Variants in LIMD1 observed in about 807,000 individuals in gnomAD.
The protein encoded by LIMD1 is LIM domain-containing protein 1.
In LIMD1, 23 loss-of-function variants were observed where a neutral mutation model predicts 58.4. That is an observed-to-expected ratio of 0.39 (90% confidence interval 0.28 to 0.56). LIMD1 has a LOEUF of 0.56. LIMD1 is among the 20% of genes least tolerant of loss of function. The pLI is 0.57. For missense variants in LIMD1, 838 were observed against 855.5 expected (o/e 0.98, Z 0.25); for synonymous variants, 334 against 345.5 (o/e 0.97, Z 0.37).
At chr3:45,616,066 A>G (rs1006964479) in intron 1 of LIMD1, among the ~76,000 whole-genome samples, 6 of 152,178 alleles carry the variant, frequency 3.9e-5, no homozygotes, top group Non-Finnish European at 7.4e-5. Context: ...CCTTTCTGCT[A>G]CTTGTTGGCA....
intron 3 of LIMD1, among the ~76,000 whole-genome samples, chr3:45,667,776 G>T (rs1174324054): frequency 6.6e-6 from 1 of 151,928 alleles, no homozygotes; most frequent in East Asian, 1.9e-4. Flanking sequence ...TCTCTGAGCT[G>T]CCCTCTGCTT....
intron 1 of LIMD1, among the ~76,000 whole-genome samples, chr3:45,602,875 C>T (rs1168167237): frequency 6.6e-6 from 1 of 151,436 alleles, no homozygotes; most frequent in Non-Finnish European, 1.5e-5. Context: ...AGGCTCACTC[C>T]GTCACCCAGG....
chr3:45,674,243 AC>A (rs11308193), intron 6 of LIMD1, 99 bp from the exon 7 acceptor site: 25,795 of 765,138 alleles, frequency 0.034, 589 homozygotes, highest in African/African-American at 0.077. Flanking sequence ...CCTACTTGTT[AC>A]CCCCAAAACC....
At chr3:45,650,424 C>T (rs2125663246) in intron 2 of LIMD1, among the ~76,000 whole-genome samples, 1 of 152,168 alleles carries the variant, frequency 6.6e-6, no homozygotes, top group African/African-American at 2.4e-5. Flanking sequence ...GCCATGTTGG[C>T]TTACTGTACC....
chr3:45,647,827 C>T (rs761803161), intron 2 of LIMD1, among the ~76,000 whole-genome samples: 1 of 152,152 alleles, frequency 6.6e-6, no homozygotes, highest in Non-Finnish European at 1.5e-5. Context: ...CCCCCTCCTC[C>T]GCTGCCCCAC....
At position 45,682,141 on chromosome 3, in the gene LIMD1, A is replaced by G. The variant is rs961504846; in HGVS notation, c.*5082A>G. 1.3e-5 allele frequency: 2 copies of G among 152,224 alleles called. No individual in the cohort carries two copies. Among genetic ancestry groups the G allele is most frequent in the East Asian group, 1.9e-4 (1 of 5,202 alleles). The allele number at this position is 152,224 out of a possible 1,614,324, so 9.4% of individuals were successfully genotyped here. A position where few individuals can be genotyped will look rare whatever the true frequency, so the allele number is the denominator to read the frequency against. On this transcript the variant is annotated 3_prime_UTR_variant, in exon 8 of 8. Coordinates refer to ENST00000273317, the MANE Select transcript of LIMD1 (RefSeq NM_014240.3). Reference sequence around the variant, plus strand: ...GCTGGGAGTGAGGATACTCATAGTCATAGCACCTTACACCAGAATAAAAGT... The same window carrying G: ...GCTGGGAGTGAGGATACTCATAGTCGTAGCACCTTACACCAGAATAAAAGT...
chr3:45,630,347 A>G (rs1701714927), intron 1 of LIMD1, among the ~76,000 whole-genome samples: 1 of 152,212 alleles, frequency 6.6e-6, no homozygotes, highest in Non-Finnish European at 1.5e-5. Flanking sequence ...GGTTTCTACA[A>G]GGGCATGGCC....
At position 45,684,559 on chromosome 3, in the gene LIMD1, A is replaced by ACTCCGAATG. The variant is rs1222479281; in HGVS notation, c.*7501_*7509dup. ...AGCTCCCCCATGCAGAGGGAGGAGG[A>ACTCCGAATG]CTCCGAATGGATCTCCCCATTCCTG... is the stretch of plus-strand genomic sequence containing the variant. On this transcript the variant is annotated 3_prime_UTR_variant, in exon 8 of 8. Coordinates refer to ENST00000273317, the MANE Select transcript of LIMD1 (RefSeq NM_014240.3). The ACTCCGAATG allele has an allele frequency of 6.6e-6, 1 of 152,130 alleles. No homozygotes were observed. The highest frequency in any genetic ancestry group is 1.5e-5 in the Non-Finnish European group (1 of 68,038). 9.4% of individuals were successfully genotyped at this position (152,130 alleles called of 1,614,324 possible). A position where few individuals can be genotyped will look rare whatever the true frequency, so the allele number is the denominator to read the frequency against.
rs567887553 is a variant in LIMD1, at chr3:45,632,988, A to T, written c.1409-3162A>T. 2.6e-5 allele frequency among the ~76,000 whole-genome samples: 4 copies of T among 152,368 alleles called. No homozygotes were observed. The South Asian group carries it at 8.3e-4, about 32-fold the overall frequency. On this transcript the variant is annotated intron_variant, in intron 1 of 7. Coordinates refer to ENST00000273317, the MANE Select transcript of LIMD1 (RefSeq NM_014240.3). ...TGGGCCCCACAGCTCCATGTGTGCC[A>T]GCAAAAGAAATGCAGTTTGCCCGGA...
intron 1 of LIMD1, among the ~76,000 whole-genome samples, chr3:45,607,955 A>G (rs1448876778): frequency 6.6e-6 from 1 of 152,220 alleles, no homozygotes; most frequent in East Asian, 1.9e-4. Context: ...TGCATCTGCC[A>G]AAATGTCGCC....
Position 45,677,149 on chromosome 3 carries a change from G to A in LIMD1, c.*90G>A. ...TGGCCCCTGGGGTGGAAGTGGGGTAGGGGAAGAGGAGGGGCAGGAGGGAGA... is the reference window on the plus strand; with the variant it reads ...TGGCCCCTGGGGTGGAAGTGGGGTAAGGGAAGAGGAGGGGCAGGAGGGAGA... On this transcript the variant is annotated 3_prime_UTR_variant, in exon 8 of 8. Coordinates refer to ENST00000273317, the MANE Select transcript of LIMD1 (RefSeq NM_014240.3). 1 of 1,475,912 alleles carries A rather than the reference G, an allele frequency of 6.8e-7. No individual in the cohort carries two copies. The highest frequency in any genetic ancestry group is 9.3e-7 in the Non-Finnish European group (1 of 1,078,786). The allele number at this position is 1,475,912 out of a possible 1,614,324, so 91.4% of individuals were successfully genotyped here. A position where few individuals can be genotyped will look rare whatever the true frequency, so the allele number is the denominator to read the frequency against.
chr3:45,604,860 T>C (rs1701452925), intron 1 of LIMD1, among the ~76,000 whole-genome samples: 1 of 152,250 alleles, frequency 6.6e-6, no homozygotes, highest in Non-Finnish European at 1.5e-5. Context: ...TCTGTTCTTT[T>C]GTGACCAGGA....
At position 45,663,868 on chromosome 3, in the gene LIMD1, A is replaced by ATTTTTTTTTTTTTTTTTTTTTTTTTT. The variant is rs553757543; in HGVS notation, c.1511-1762_1511-1761insTTTTTTTTTTTTTTTTTTTTTTTTTT. Among the ~76,000 whole-genome samples, 10 of 102,848 alleles carry ATTTTTTTTTTTTTTTTTTTTTTTTTT rather than the reference A, an allele frequency of 9.7e-5. 1 individual carries two copies. Among genetic ancestry groups the ATTTTTTTTTTTTTTTTTTTTTTTTTT allele is most frequent in the African/African-American group, 3.9e-4 (9 of 23,344 alleles). 67.5% of individuals were successfully genotyped at this position (102,848 alleles called of 152,430 possible). On this transcript the variant is annotated intron_variant, in intron 2 of 7. Transcript: ENST00000273317. ...TAGTGCGTGGCACCATGCCTGGCTA[A>ATTTTTTTTTTTTTTTTTTTTTTTTTT]TTTTTTTTTTTTTTTTTTTTGAGAC...
rs1483684256 is a variant in LIMD1, at chr3:45,672,861, C to T, written c.1772+41C>T. On this transcript the variant is annotated intron_variant, in intron 5 of 7. Coordinates refer to ENST00000273317, the MANE Select transcript of LIMD1 (RefSeq NM_014240.3). ...AGCAGACAGGACCCATTCGTGTAGG[C>T]CAAGCTGATCTCAGCAGAGTGAGTG... 7 of 1,608,664 alleles carry T rather than the reference C, an allele frequency of 4.4e-6. 1 individual carries two copies. The South Asian group carries it at 6.6e-5, about 15-fold the overall frequency.
intron 1 of LIMD1, among the ~76,000 whole-genome samples, chr3:45,635,208 A>G (rs1430740986): frequency 6.6e-6 from 1 of 152,138 alleles, no homozygotes; most frequent in South Asian, 2.1e-4. Context: ...ACTGCACTCC[A>G]GCCCAGGTGA....
At chr3:45,649,409 C>T (rs111577214) in intron 2 of LIMD1, among the ~76,000 whole-genome samples, 105 of 151,440 alleles carry the variant, frequency 6.9e-4, no homozygotes, top group African/African-American at 2.3e-3. Flanking sequence ...TGGCTGGGCG[C>T]GGTGGCTCAC....
intron 2 of LIMD1, among the ~76,000 whole-genome samples, chr3:45,657,375 T>C (rs149217589): frequency 2.0e-5 from 3 of 152,108 alleles, no homozygotes; most frequent in African/African-American, 7.2e-5. Context: ...AAATTCCCTT[T>C]TCCGGCCAGA....
chr3:45,624,368 G>A (rs879102425), intron 1 of LIMD1, among the ~76,000 whole-genome samples: 2 of 152,084 alleles, frequency 1.3e-5, no homozygotes, highest in Non-Finnish European at 2.9e-5. Context: ...GGGGGTAGGA[G>A]CAGGGCCACA....
In LIMD1 at chr3:45,596,123, G is replaced by C; in HGVS notation, c.1244G>C (p.Gly415Ala). Residue 415 changes from glycine to alanine, a missense_variant, in exon 1 of 8, where the codon GGA (glycine) becomes GCA (alanine). Gly to Ala is a moderately conservative substitution (Grantham distance 60, BLOSUM62 0). Transcript: ENST00000273317. ...PLGWSSDGSL[G>A]SVLLDSPSSP... ...GGCTGGTCTTCTGATGGTAGCCTGG[G>C]ATCTGTGCTCCTGGACAGCCCCAGC... 2 of 1,614,188 alleles carry C rather than the reference G, an allele frequency of 1.2e-6. No individual in the cohort carries two copies. Among genetic ancestry groups the C allele is most frequent in the Non-Finnish European group, 1.7e-6 (2 of 1,180,046 alleles).
Sources: allele counts gnomAD v4.1 joint callset (sites outside exome capture counted in the v4.1 genomes callset), GRCh38; gene constraint gnomAD v4.1.1; transcripts MANE v1.5; gene names NCBI Gene and HGNC (gene_info 2026-07-23, HGNC 2026-07-21).